The following CDH12 variants were observed in gnomAD, a reference collection of about 807,000 sequenced individuals.
CDH12 encodes cadherin-12.
In CDH12, 41 loss-of-function variants were observed where a neutral mutation model predicts 74.1. The observed-to-expected ratio is 0.55, with a 90% CI of 0.43 to 0.72. CDH12 has a LOEUF of 0.72. Ranked by LOEUF, CDH12 falls within the 30% of genes least tolerant of loss-of-function variation. The probability of loss-of-function intolerance (pLI) is 0.00; values close to 1 mark genes in which losing one functional copy is unlikely to be tolerated. For synonymous variants in CDH12, 399 were observed against 355.0 expected (o/e 1.12, Z -1.39); for missense variants, 945 against 977.2 (o/e 0.97, Z 0.44).
chr5:22,175,323 T>A (rs1215408871), intron 4 of CDH12, among the ~76,000 whole-genome samples: 1 of 151,696 alleles, frequency 6.6e-6, no homozygotes, highest in African/African-American at 2.4e-5. Context: ...CATCTATCCA[T>A]GTCAGATGTA....
At chr5:22,020,279 C>T (rs867290489) in intron 5 of CDH12, among the ~76,000 whole-genome samples, 16 of 151,960 alleles carry the variant, frequency 1.1e-4, no homozygotes, top group Middle Eastern at 3.2e-3. Flanking sequence ...TATGGCTGGG[C>T]GTGGTGGCTC....
chr5:22,686,688 G>C (rs768764810), intron 1 of CDH12, among the ~76,000 whole-genome samples: 35 of 152,206 alleles, frequency 2.3e-4, no homozygotes, highest in Admixed American at 5.2e-4. Context: ...CAGTAGGATG[G>C]GGGTGATGGA....
At chr5:22,215,172 GT>G (rs1184717842) in intron 3 of CDH12, among the ~76,000 whole-genome samples, 1 of 134,482 alleles carries the variant, frequency 7.4e-6, no homozygotes, top group Non-Finnish European at 1.7e-5. Context: ...GCTCTGAGAA[GT>G]TAAGCAAATT....
At position 21,969,591 on chromosome 5, in the gene CDH12, C is replaced by A. The variant is rs905845527; in HGVS notation, c.526+5500G>T. On this transcript the variant is annotated intron_variant, in intron 6 of 14. Transcript: ENST00000382254. Reference sequence around the variant, plus strand: ...GAACATATGGAAGATTTCTACCACCCCCTAACTAAGCCTTTAGATCAGACC... The same window carrying A: ...GAACATATGGAAGATTTCTACCACCACCTAACTAAGCCTTTAGATCAGACC... 2.6e-4 allele frequency among the ~76,000 whole-genome samples: 40 copies of A among 151,778 alleles called. 1 individual carries two copies. The highest frequency in any genetic ancestry group is 3.4e-4 in the Non-Finnish European group (23 of 67,954).
At chr5:22,650,729 C>A (rs1214712467) in intron 1 of CDH12, among the ~76,000 whole-genome samples, 14 of 151,998 alleles carry the variant, frequency 9.2e-5, no homozygotes, top group Admixed American at 9.2e-4. Context: ...GGTAATGAAG[C>A]ATCACTCTCT....
rs568109357 is a variant in CDH12 at position 22,767,549 on chromosome 5, G to A, written c.-523+85509C>T. ...GGGCTTTTTTTTTCTGAAAAGAAAG[G>A]ATGAACATTTTATAATATAATAATT... On this transcript the variant is annotated intron_variant, in intron 1 of 14. Coordinates refer to ENST00000382254, the MANE Select transcript of CDH12 (RefSeq NM_004061.5). 1.9e-3 allele frequency among the ~76,000 whole-genome samples: 293 copies of A among 151,906 alleles called. 1 individual carries two copies. The highest frequency in any genetic ancestry group is 6.7e-3 in the African/African-American group (277 of 41,490).
At chr5:22,638,794 T>C (rs1225426717) in intron 1 of CDH12, 1 of 151,900 alleles carries the variant, frequency 6.6e-6, no homozygotes, top group African/African-American at 2.4e-5. Flanking sequence ...CTGGAGAATG[T>C]AATCCCAGCA....
intron 1 of CDH12, among the ~76,000 whole-genome samples, chr5:22,848,665 G>A (rs538444911): frequency 6.6e-6 from 1 of 152,028 alleles, no homozygotes; most frequent in East Asian, 1.9e-4. Flanking sequence ...TGGTGATTTT[G>A]TTTGTTTGAA....
intron 3 of CDH12, among the ~76,000 whole-genome samples, chr5:22,267,468 T>A (rs1736176383): frequency 6.6e-6 from 1 of 152,186 alleles, no homozygotes; most frequent in Non-Finnish European, 1.5e-5. Context: ...TTATTTCATG[T>A]CCCTGAATAG....
chr5:22,375,775 T>C (rs1289197044), intron 3 of CDH12, among the ~76,000 whole-genome samples: 4 of 151,886 alleles, frequency 2.6e-5, no homozygotes, highest in Non-Finnish European at 5.9e-5. Context: ...ATGGCTATTA[T>C]TGAAAAGACA....
At chr5:22,794,161 A>G (rs1356391106) in intron 1 of CDH12, among the ~76,000 whole-genome samples, 1 of 152,138 alleles carries the variant, frequency 6.6e-6, no homozygotes, top group Admixed American at 6.5e-5. Context: ...AGAAATAACC[A>G]CACGGTTTAT....
intron 2 of CDH12, among the ~76,000 whole-genome samples, chr5:22,463,778 G>A (rs1225917417): frequency 2.6e-5 from 4 of 151,996 alleles, no homozygotes; most frequent in African/African-American, 9.7e-5. Context: ...ATTGTTAAAT[G>A]ATTTCAAAGT....
At chr5:22,327,903 T>G (rs775055027) in intron 3 of CDH12, among the ~76,000 whole-genome samples, 1 of 152,220 alleles carries the variant, frequency 6.6e-6, no homozygotes, top group Admixed American at 6.5e-5. Context: ...AATATGCTTA[T>G]GTAATAAATG....
Position 22,095,167 on chromosome 5 carries a change from C to G in CDH12, c.-186-16305G>C, listed in dbSNP as rs572431551. On this transcript the variant is annotated intron_variant, in intron 4 of 14. Transcript: ENST00000382254. ...AGATCCACCTACGACCTCAGGTCCT[C>G]AGACCCACCAGCCCAAGGAACATCT... Among the ~76,000 whole-genome samples, 3 of 152,284 alleles carry G rather than the reference C, an allele frequency of 2.0e-5. No homozygotes were observed. In the East Asian group the frequency reaches 5.8e-4, roughly 30 times the overall value.
chr5:22,625,576 C>T (rs866879942), intron 1 of CDH12, among the ~76,000 whole-genome samples: 12 of 152,282 alleles, frequency 7.9e-5, no homozygotes, highest in Middle Eastern at 3.4e-3. Context: ...GCTTGCCAAG[C>T]TCCTTTAGCT....
intron 1 of CDH12, among the ~76,000 whole-genome samples, chr5:22,569,047 C>T (rs760211520): frequency 2.0e-5 from 3 of 152,116 alleles, no homozygotes; most frequent in Non-Finnish European, 2.9e-5. Flanking sequence ...CATCCATTGA[C>T]TCTTTCTTTC....
intron 5 of CDH12, among the ~76,000 whole-genome samples, chr5:21,975,915 CT>C (rs1190257275): frequency 6.6e-6 from 1 of 151,968 alleles, no homozygotes; most frequent in Non-Finnish European, 1.5e-5. Flanking sequence ...AATAAATTAG[CT>C]CATAAACACC....
At chr5:21,791,479 C>T (rs1387715666) in intron 10 of CDH12, among the ~76,000 whole-genome samples, 1 of 151,872 alleles carries the variant, frequency 6.6e-6, no homozygotes, top group Non-Finnish European at 1.5e-5. Context: ...TGCAACTAAT[C>T]ACAACAGTAT....
intron 4 of CDH12, chr5:22,212,194 CA>C (rs1296186297): frequency 6.6e-6 from 1 of 152,142 alleles, no homozygotes; most frequent in Non-Finnish European, 1.5e-5. Flanking sequence ...CAATCAAAAC[CA>C]ATTTACCTTG....
Sources: allele counts gnomAD v4.1 joint callset (sites outside exome capture counted in the v4.1 genomes callset), GRCh38; gene constraint gnomAD v4.1.1; transcripts MANE v1.5; gene names NCBI Gene and HGNC (gene_info 2026-07-23, HGNC 2026-07-21).